Variants in C10orf67 observed in about 807,000 individuals in gnomAD.
The protein encoded by C10orf67 is chromosome 10 open reading frame 67, also known as uncharacterized protein C10orf67, mitochondrial.
Under a neutral mutation model 35.6 loss-of-function variants are expected in C10orf67, and 60 were observed. The ratio of observed to expected loss-of-function variants is 1.68; its 90% CI spans 1.37 to 2.09. C10orf67 has a LOEUF of 2.09. Ranked by LOEUF, C10orf67 falls within the 30% of genes most tolerant of loss-of-function variation. The probability of loss-of-function intolerance (pLI) is 0.00; values close to 1 mark genes in which losing one functional copy is unlikely to be tolerated. For synonymous variants in C10orf67, 167 were observed against 115.8 expected (o/e 1.44, Z -2.84); for missense variants, 474 against 330.2 (o/e 1.44, Z -3.38).
intron 10 of C10orf67, among the ~76,000 whole-genome samples, chr10:23,265,666 C>T (rs542357638): frequency 2.0e-5 from 3 of 152,284 alleles, no homozygotes; most frequent in Admixed American, 2.0e-4. Context: ...ATGTAGTGAG[C>T]AGTGCCTCAT....
At chr10:23,312,129 T>C (rs1335848664) in intron 4 of C10orf67, among the ~76,000 whole-genome samples, 1 of 152,252 alleles carries the variant, frequency 6.6e-6, no homozygotes, top group Non-Finnish European at 1.5e-5. Flanking sequence ...CCTTAATTAA[T>C]ATGCATTTAC....
At chr10:23,249,060 A>G (rs1446086683) in intron 12 of C10orf67, among the ~76,000 whole-genome samples, 1 of 140,554 alleles carries the variant, frequency 7.1e-6, no homozygotes, top group Non-Finnish European at 1.5e-5. Context: ...AACCCAGAAG[A>G]TGGAGGTTGC....
intron 3 of C10orf67, among the ~76,000 whole-genome samples, chr10:23,321,710 A>G (rs1165587051): frequency 6.6e-6 from 1 of 152,218 alleles, no homozygotes; most frequent in East Asian, 1.9e-4. Flanking sequence ...ATGGTACTTA[A>G]CATGGTGTGG....
rs1202050657 is a variant in C10orf67, at chr10:23,223,726, G to A, written c.1509+18C>T. 1.4e-6 allele frequency: 1 copy of A among 716,234 alleles called. No homozygotes were observed. Among genetic ancestry groups the A allele is most frequent in the East Asian group, 2.7e-5 (1 of 37,280 alleles). 44.4% of individuals were successfully genotyped at this position (716,234 alleles called of 1,614,324 possible). ...ATTAACTCAGTAAATATTTAATAAAGAAAAATAAGCTACTTACTGAAGATG... is the reference window on the plus strand; with the variant it reads ...ATTAACTCAGTAAATATTTAATAAAAAAAAATAAGCTACTTACTGAAGATG... On this transcript the variant is annotated intron_variant, in intron 14 of 15. Coordinates refer to ENST00000636213, the MANE Select transcript of C10orf67 (RefSeq NM_001371909.1).
intron 6 of C10orf67, among the ~76,000 whole-genome samples, 185 bp from the exon 7 acceptor site, chr10:23,290,143 G>A (rs1049554895): frequency 3.3e-5 from 5 of 152,186 alleles, no homozygotes; most frequent in African/African-American, 4.8e-5. Context: ...TCAGATGGCC[G>A]GTCAGATAGG....
At chr10:23,301,491 C>A (rs1348729929) in intron 5 of C10orf67, among the ~76,000 whole-genome samples, 2 of 152,218 alleles carry the variant, frequency 1.3e-5, no homozygotes, top group African/African-American at 4.8e-5. Context: ...CCCAATATTA[C>A]TCATCGCTTT....
rs111662364 is a variant in C10orf67, at chr10:23,342,218, C to CCACACA, written c.206+2345_206+2350dup. 6.6e-3 allele frequency among the ~76,000 whole-genome samples: 993 copies of CCACACA among 149,680 alleles called. 17 individuals are homozygous for CCACACA. Among genetic ancestry groups the CCACACA allele is most frequent in the East Asian group, 0.061 (307 of 5,008 alleles). Reference sequence around the variant, plus strand: ...TAAATCACAGCTCCCTCCCCACTTGCCACACACACACACACACACACACTC... The same window carrying CCACACA: ...TAAATCACAGCTCCCTCCCCACTTGCCACACACACACACACACACACACACACACTC... On this transcript the variant is annotated intron_variant, in intron 1 of 15. Transcript: ENST00000636213.
At chr10:23,328,506 A>C (rs1017707818) in intron 2 of C10orf67, among the ~76,000 whole-genome samples, 1 of 152,162 alleles carries the variant, frequency 6.6e-6, no homozygotes, top group Non-Finnish European at 1.5e-5. Context: ...TCAGGCACTA[A>C]TGGTGGAGAT....
chr10:23,212,205 G>A (rs1425941434), intron 15 of C10orf67, among the ~76,000 whole-genome samples: 1 of 152,198 alleles, frequency 6.6e-6, no homozygotes. Flanking sequence ...CCAGAAGCTA[G>A]GAGACGGTCA....
chr10:23,325,108 G>A (rs1275126899), intron 2 of C10orf67, among the ~76,000 whole-genome samples: 1 of 152,072 alleles, frequency 6.6e-6, no homozygotes, highest in East Asian at 1.9e-4. Flanking sequence ...AGGCCAAGGA[G>A]GAAGGATCAC....
At chr10:23,268,689 G>A (rs1842944753) in intron 8 of C10orf67, among the ~76,000 whole-genome samples, 1 of 152,120 alleles carries the variant, frequency 6.6e-6, no homozygotes, top group African/African-American at 2.4e-5. Flanking sequence ...TTAACAATGG[G>A]GATACATTCT....
chr10:23,303,673 C>G (rs117430602), intron 4 of C10orf67, among the ~76,000 whole-genome samples: 1,806 of 152,264 alleles, frequency 0.012, 23 homozygotes, highest in Non-Finnish European at 0.019. Flanking sequence ...AAAAGTATTA[C>G]GCACTATGTA....
intron 10 of C10orf67, among the ~76,000 whole-genome samples, chr10:23,252,551 T>C (rs1281044027): frequency 6.6e-6 from 1 of 152,170 alleles, no homozygotes; most frequent in African/African-American, 2.4e-5. Context: ...GAAAACAAAA[T>C]TGAGCTAAAG....
chr10:23,234,235 G>T (rs1184087469), intron 13 of C10orf67, among the ~76,000 whole-genome samples: 1 of 152,114 alleles, frequency 6.6e-6, no homozygotes, highest in African/African-American at 2.4e-5. Flanking sequence ...TATGTTAATT[G>T]CAGCACTATT....
intron 12 of C10orf67, among the ~76,000 whole-genome samples, chr10:23,248,571 C>A (rs1439790026): frequency 2.0e-5 from 3 of 152,110 alleles, no homozygotes; most frequent in Non-Finnish European, 4.4e-5. Flanking sequence ...GGTTTTTCAT[C>A]TACTAAACAA....
At chr10:23,313,050 C>T (rs760778447) in intron 4 of C10orf67, among the ~76,000 whole-genome samples, 1 of 152,222 alleles carries the variant, frequency 6.6e-6, no homozygotes, top group Non-Finnish European at 1.5e-5. Flanking sequence ...TCCCCACCCT[C>T]TCTTCTCTTT....
intron 1 of C10orf67, among the ~76,000 whole-genome samples, chr10:23,334,073 C>T (rs779860252): frequency 6.6e-6 from 1 of 152,070 alleles, no homozygotes; most frequent in South Asian, 2.1e-4. Flanking sequence ...TTTAAATTTC[C>T]AATCTGGCAA....
chr10:23,273,520 T>C (rs1843089545), intron 8 of C10orf67, among the ~76,000 whole-genome samples: 1 of 152,212 alleles, frequency 6.6e-6, no homozygotes, highest in African/African-American at 2.4e-5. Flanking sequence ...TACTATAGCA[T>C]CAGCTTGCAG....
At chr10:23,328,098 C>T (rs969237451) in intron 2 of C10orf67, among the ~76,000 whole-genome samples, 2 of 151,960 alleles carry the variant, frequency 1.3e-5, no homozygotes, top group African/African-American at 2.4e-5. Context: ...TACTATATTT[C>T]AAAGTTTGTA....
Sources: gnomAD v4.1 joint callset for allele counts (sites outside exome capture counted in the v4.1 genomes callset) on GRCh38, gnomAD v4.1.1 for gene constraint, MANE v1.5 for transcripts, NCBI Gene and HGNC (gene_info 2026-07-23, HGNC 2026-07-21) for gene names.